Variants in KCNG1 observed in about 807,000 individuals in gnomAD.
KCNG1 encodes the protein voltage-gated potassium channel regulatory subunit KCNG1.
Under a neutral mutation model 32.4 loss-of-function variants are expected in KCNG1, and 17 were observed. The observed-to-expected ratio is 0.52, with a 90% confidence interval of 0.36 to 0.79. KCNG1 has a LOEUF of 0.79. KCNG1 is among the 30% of genes least tolerant of loss of function. KCNG1 has a pLI of 0.00. For missense variants in KCNG1, 441 were observed against 735.2 expected, an observed-to-expected ratio of 0.60 and a Z score of 4.63; for synonymous variants, 358 against 339.9, an observed-to-expected ratio of 1.05 and a Z score of -0.59.
intron 2 of KCNG1, chr20:51,007,856 T>G (rs1353019994): frequency 1.3e-5 from 2 of 151,982 alleles, no homozygotes; most frequent in African/African-American, 4.8e-5. Context: ...TAAAAATAAA[T>G]AAATAAATTC....
chr20:51,022,623 C>T (rs1396460824), intron 1 of KCNG1: 2 of 152,292 alleles, frequency 1.3e-5, no homozygotes, highest in East Asian at 3.9e-4. Context: ...TCCCGGTGAC[C>T]CCTTGGGATG....
In KCNG1 at chr20:51,009,723, G is replaced by A; in HGVS notation, c.616C>T (p.Leu206=). ...SEGPAEGEGR[L]GRCMRRLRDM... Reference sequence around the variant, plus strand: ...CGCAGTCGCCGCATGCAGCGCCCCAGGCGGCCCTCGCCCTCGGCCGGGCCC... The same window carrying A: ...CGCAGTCGCCGCATGCAGCGCCCCAAGCGGCCCTCGCCCTCGGCCGGGCCC... Residue 206 remains leucine, a synonymous_variant, in exon 2 of 3, where the codon CTG becomes TTG. Transcript: ENST00000371571. 1 of 1,605,332 alleles carries A rather than the reference G, an allele frequency of 6.2e-7. No individual in the cohort carries two copies. Among genetic ancestry groups the A allele is most frequent in the Non-Finnish European group, 8.5e-7 (1 of 1,178,366 alleles).
chr20:51,007,978 G>C (rs1200953281), intron 2 of KCNG1: 1 of 152,222 alleles, frequency 6.6e-6, no homozygotes, highest in African/African-American at 2.4e-5. Context: ...TACTTCTAAT[G>C]TTAAATTCGA....
chr20:51,012,098 T>C (rs1158373721), intron 1 of KCNG1, among the ~76,000 whole-genome samples: 1 of 152,198 alleles, frequency 6.6e-6, no homozygotes, highest in Admixed American at 6.5e-5. Context: ...CGGCCTATTA[T>C]TATTTATCTT....
chr20:51,016,500 G>A (rs532521219), intron 1 of KCNG1, among the ~76,000 whole-genome samples: 2 of 152,252 alleles, frequency 1.3e-5, no homozygotes, highest in Admixed American at 6.5e-5. Flanking sequence ...CAGCTTGGGG[G>A]ACAATGTGCC....
At chr20:51,018,395 C>T (rs1988355115) in intron 1 of KCNG1, among the ~76,000 whole-genome samples, 1 of 152,158 alleles carries the variant, frequency 6.6e-6, no homozygotes, top group African/African-American at 2.4e-5. Flanking sequence ...CTCCTGTCCC[C>T]ATGGCTACAT....
intron 1 of KCNG1, among the ~76,000 whole-genome samples, chr20:51,017,210 T>C (rs1227719696): frequency 6.6e-6 from 1 of 152,306 alleles, no homozygotes; most frequent in East Asian, 1.9e-4. Flanking sequence ...AGGCAGATTA[T>C]GGAAGCCTGC....
chr20:51,008,830 T>C (rs1354154733), intron 2 of KCNG1, among the ~76,000 whole-genome samples: 1 of 152,148 alleles, frequency 6.6e-6, no homozygotes, highest in Non-Finnish European at 1.5e-5. Context: ...AGACTGGACT[T>C]AGACCTGGGG....
chr20:51,010,009 G>A lies in KCNG1; in HGVS notation c.330C>T (p.Val110=), dbSNP rs551001071. The A allele has an allele frequency of 2.5e-6, 4 of 1,613,990 alleles. 1 individual carries two copies. In the South Asian group the frequency reaches 4.4e-5, roughly 18 times the overall value. ...GGTCGAAGAAGAACTCGTTGCAGGT[G>A]ACGTCGTAGTCATCGCACACGTTGA... is the stretch of plus-strand genomic sequence containing the variant. ...DILNVCDDYD[V]TCNEFFFDRN... is the part of the protein sequence containing the mutation. The change falls in exon 2 of 3, where the codon GTC becomes GTT. Residue 110 remains valine (V), a synonymous_variant. Transcript: ENST00000371571.
At chr20:51,008,335 A>G (rs575363071) in intron 2 of KCNG1, among the ~76,000 whole-genome samples, 2 of 152,076 alleles carry the variant, frequency 1.3e-5, no homozygotes, top group African/African-American at 4.8e-5. Context: ...TTTTTAAAAA[A>G]ATTTTGTGTT....
At chr20:51,008,818 A>T in intron 2 of KCNG1, among the ~76,000 whole-genome samples, 1 of 152,156 alleles carries the variant, frequency 6.6e-6, no homozygotes, top group Non-Finnish European at 1.5e-5. Flanking sequence ...GCTTACAAAG[A>T]CAGACTGGAC....
In KCNG1 at chr20:51,010,078, C is replaced by A; in HGVS notation, c.261G>T (p.Thr87=). The change falls in exon 2 of 3, where the codon ACG becomes ACT. Residue 87 remains threonine (T), a synonymous_variant. Transcript: ENST00000371571. ...TGCAGGCCTTGAGCTGGCCCAGGCG[C>A]GTCAGCGGGAACTCGTCCAGCGTGG... is the stretch of plus-strand genomic sequence containing the variant. ...PWTTLDEFPL[T]RLGQLKACTN... 6.2e-7 allele frequency: 1 copy of A among 1,614,036 alleles called. No individual in the cohort carries two copies. Among genetic ancestry groups the A allele is most frequent in the South Asian group, 1.1e-5 (1 of 91,092 alleles).
intron 1 of KCNG1, among the ~76,000 whole-genome samples, chr20:51,017,514 G>A (rs773215498): frequency 3.5e-4 from 53 of 152,300 alleles, no homozygotes; most frequent in Non-Finnish European, 5.7e-4. Context: ...ATGAGGAGGC[G>A]TGCTGGGAAG....
chr20:51,021,817 T>G (rs1384634467), intron 1 of KCNG1, among the ~76,000 whole-genome samples: 1 of 152,166 alleles, frequency 6.6e-6, no homozygotes, highest in African/African-American at 2.4e-5. Context: ...GGAACCTGCA[T>G]TCCTCAGTAA....
chr20:51,022,142 T>A (rs910714375), intron 1 of KCNG1, among the ~76,000 whole-genome samples: 3 of 152,216 alleles, frequency 2.0e-5, no homozygotes, highest in African/African-American at 7.2e-5. Flanking sequence ...TAAATGTTTG[T>A]GAACTGGATG....
chr20:51,004,156 C>T lies in KCNG1; in HGVS notation c.1425G>A (p.Glu475=), dbSNP rs147406091. Residue 475 remains glutamate (E), a synonymous_variant, in exon 3 of 3, where the codon GAG becomes GAA. Coordinates refer to ENST00000371571, the MANE Select transcript of KCNG1 (RefSeq NM_002237.4). This position sits in a 1 kb window ranked among gnomAD's most constrained non-coding sequence, Gnocchi z 4.3. ...RSYLELKQEQ[E]RVMFRRAQFL... Reference sequence around the variant, plus strand: ...ACTGCGCCCTCCGGAACATCACCCTCTCTTGCTCCTGCTTGAGCTCCAGGT... The same window carrying T: ...ACTGCGCCCTCCGGAACATCACCCTTTCTTGCTCCTGCTTGAGCTCCAGGT... 1.8e-4 allele frequency: 290 copies of T among 1,614,216 alleles called. No homozygotes were observed. The African/African-American group carries it at 3.4e-3, about 19-fold the overall frequency.
intron 1 of KCNG1, among the ~76,000 whole-genome samples, chr20:51,011,055 G>T (rs1988076395): frequency 6.6e-6 from 1 of 152,198 alleles, no homozygotes; most frequent in Non-Finnish European, 1.5e-5. Flanking sequence ...CTTGCAGCCG[G>T]CAGAACTGGG....
At chr20:51,020,800 T>G (rs1430578970) in intron 1 of KCNG1, among the ~76,000 whole-genome samples, 1 of 152,152 alleles carries the variant, frequency 6.6e-6, no homozygotes, top group Non-Finnish European at 1.5e-5. Context: ...CTGGTTTGCG[T>G]CGCTTAGCCC....
rs1309024013 is a variant in KCNG1 at position 51,004,171 on chromosome 20, G to C, written c.1410C>G (p.Leu470=). Residue 470 remains leucine, a synonymous_variant, in exon 3 of 3, where the codon CTC becomes CTG. Coordinates refer to ENST00000371571, the MANE Select transcript of KCNG1 (RefSeq NM_002237.4). This position sits in a 1 kb window ranked among gnomAD's most constrained non-coding sequence, Gnocchi z 4.3. ...FHTFSRSYLE[L]KQEQERVMFR... is the part of the protein sequence containing the mutation. ...ACATCACCCTCTCTTGCTCCTGCTT[G>C]AGCTCCAGGTAGGAGCGGGAGAAGG... 6.2e-7 allele frequency: 1 copy of C among 1,614,176 alleles called. No homozygotes were observed. Among genetic ancestry groups the C allele is most frequent in the East Asian group, 2.2e-5 (1 of 44,868 alleles).
Sources: gnomAD v4.1 joint callset for allele counts (sites outside exome capture counted in the v4.1 genomes callset) on GRCh38, gnomAD v4.1.1 for gene constraint, Gnocchi (gnomAD v3.1) non-coding constraint, MANE v1.5 for transcripts, NCBI Gene and HGNC (gene_info 2026-07-23, HGNC 2026-07-21) for gene names.